Variants in FHIT observed in about 807,000 individuals in gnomAD.
FHIT encodes bis(5'-adenosyl)-triphosphatase.
Under a neutral mutation model 17.9 loss-of-function variants are expected in FHIT, and 19 were observed. The ratio of observed to expected loss-of-function variants is 1.06; its 90% CI spans 0.74 to 1.56. FHIT has a LOEUF of 1.56. Ranked by LOEUF, FHIT falls within the 40% of genes most tolerant of loss-of-function variation. The probability of loss-of-function intolerance (pLI) is 0.00; values close to 1 mark genes in which losing one functional copy is unlikely to be tolerated. For synonymous variants in FHIT, 81 were observed against 69.7 expected (o/e 1.16, Z -0.81); for missense variants, 248 against 189.2 (o/e 1.31, Z -1.82).
chr3:61,072,747 A>T (rs1242220855), intron 2 of FHIT, among the ~76,000 whole-genome samples: 1 of 152,170 alleles, frequency 6.6e-6, no homozygotes, highest in Non-Finnish European at 1.5e-5. Flanking sequence ...ATCTGAAAGG[A>T]TCGTAAGTGA....
At chr3:60,721,247 C>T (rs2041803013) in intron 4 of FHIT, among the ~76,000 whole-genome samples, 1 of 152,162 alleles carries the variant, frequency 6.6e-6, no homozygotes, top group Admixed American at 6.5e-5. Flanking sequence ...AGAGACCACA[C>T]TGTACTTCAA....
At chr3:60,442,515 T>C (rs181876506) in intron 5 of FHIT, among the ~76,000 whole-genome samples, 7 of 152,278 alleles carry the variant, frequency 4.6e-5, no homozygotes, top group African/African-American at 1.7e-4. Context: ...CCCAGCACCA[T>C]TTGTTAAATA....
chr3:60,203,794 G>A (rs532996776), intron 5 of FHIT, among the ~76,000 whole-genome samples: 28 of 152,096 alleles, frequency 1.8e-4, no homozygotes, highest in African/African-American at 6.0e-4. Context: ...AGACAAGAAG[G>A]GGACAAAGAA....
intron 4 of FHIT, among the ~76,000 whole-genome samples, chr3:60,699,764 CACACACACAT>C (rs200373463): frequency 0.017 from 2,574 of 150,270 alleles, 65 homozygotes; most frequent in African/African-American, 0.059. Flanking sequence ...CACACACACA[CACACACACAT>C]ACACACATAC....
intron 5 of FHIT, among the ~76,000 whole-genome samples, chr3:60,109,541 G>A (rs1704581287): frequency 6.6e-6 from 1 of 152,134 alleles, no homozygotes; most frequent in African/African-American, 2.4e-5. Context: ...ATGTTCCAAA[G>A]GCCTCCAAAT....
chr3:60,739,369 C>T (rs2108005726), intron 4 of FHIT, among the ~76,000 whole-genome samples: 1 of 152,222 alleles, frequency 6.6e-6, no homozygotes, highest in South Asian at 2.1e-4. Flanking sequence ...CACAGGCACC[C>T]ACCCCTAGAC....
intron 3 of FHIT, among the ~76,000 whole-genome samples, chr3:60,948,499 T>C (rs1553776274): frequency 6.6e-6 from 1 of 152,190 alleles, no homozygotes; most frequent in East Asian, 1.9e-4. Context: ...GCTAGACCAT[T>C]AACACTAGTT....
intron 5 of FHIT, among the ~76,000 whole-genome samples, chr3:60,108,943 G>T (rs572779306): frequency 6.6e-6 from 1 of 152,166 alleles, no homozygotes; most frequent in South Asian, 2.1e-4. Flanking sequence ...GATTACAGGC[G>T]TGAGCCACCA....
chr3:59,986,515 A>AAATATATTTATATTTATACATT (rs1559523327), intron 7 of FHIT, among the ~76,000 whole-genome samples: 1,687 of 12,530 alleles, frequency 0.13, 125 homozygotes, highest in East Asian at 0.17. Context: ...ATATATATAT[A>AAATATATTTATATTTATACATT]TATATATATA....
At chr3:59,785,947 C>A (rs749792412) in intron 8 of FHIT, among the ~76,000 whole-genome samples, 8 of 152,192 alleles carry the variant, frequency 5.3e-5, no homozygotes, top group South Asian at 2.1e-4. Context: ...ACCTTCAACA[C>A]CCCGCTTAGA....
At chr3:60,267,418 A>G (rs1435673150) in intron 5 of FHIT, among the ~76,000 whole-genome samples, 1 of 152,166 alleles carries the variant, frequency 6.6e-6, no homozygotes, top group East Asian at 1.9e-4. Context: ...ATGCTATTAT[A>G]AGAAATGTTA....
At chr3:60,583,108 A>G (rs562293839) in intron 4 of FHIT, among the ~76,000 whole-genome samples, 36 of 151,934 alleles carry the variant, frequency 2.4e-4, no homozygotes, top group Non-Finnish European at 4.4e-4. Flanking sequence ...CTCTCTTTAC[A>G]CAGCATTAGG....
intron 8 of FHIT, among the ~76,000 whole-genome samples, chr3:59,901,258 A>T (rs893906100): frequency 6.6e-6 from 1 of 152,230 alleles, no homozygotes; most frequent in Non-Finnish European, 1.5e-5. Context: ...CTAGGTTTTA[A>T]AATTTCAGCT....
chr3:59,837,842 TGGTGGTGTGGGGG>T (rs952836084), intron 8 of FHIT, among the ~76,000 whole-genome samples: 4 of 151,948 alleles, frequency 2.6e-5, no homozygotes, highest in African/African-American at 2.4e-5. Context: ...TGTAAAATGG[TGGTGGTGTGGGGG>T]GGTGGTGTGG....
intron 5 of FHIT, among the ~76,000 whole-genome samples, chr3:60,441,069 G>C (rs1042372038): frequency 2.0e-5 from 3 of 151,958 alleles, no homozygotes; most frequent in Non-Finnish European, 2.9e-5. Context: ...CTTAGAACTT[G>C]CTGCTGTACC....
At chr3:60,562,517 T>C (rs563884349) in intron 4 of FHIT, among the ~76,000 whole-genome samples, 1 of 152,224 alleles carries the variant, frequency 6.6e-6, no homozygotes, top group Admixed American at 6.5e-5. Flanking sequence ...TTTTCCCCAC[T>C]CCTAGGTTTT....
chr3:60,276,174 G>C (rs1044612986), intron 5 of FHIT, among the ~76,000 whole-genome samples: 2 of 151,960 alleles, frequency 1.3e-5, no homozygotes, highest in African/African-American at 2.4e-5. Context: ...ATTTAGTAGA[G>C]ACCGGGTTTC....
At chr3:60,192,742 A>G (rs1293090018) in intron 5 of FHIT, among the ~76,000 whole-genome samples, 1 of 152,044 alleles carries the variant, frequency 6.6e-6, no homozygotes, top group Non-Finnish European at 1.5e-5. Context: ...CTAACTTTCT[A>G]CCCTCTAAAA....
chr3:59,856,254 G>C (rs1047221275), intron 8 of FHIT, among the ~76,000 whole-genome samples: 19 of 151,934 alleles, frequency 1.3e-4, no homozygotes, highest in African/African-American at 4.6e-4. Context: ...AACCATAATG[G>C]ACCCAAGAAA....
Sources: allele counts gnomAD v4.1 joint callset (sites outside exome capture counted in the v4.1 genomes callset), GRCh38; gene constraint gnomAD v4.1.1; transcripts MANE v1.5; gene names NCBI Gene and HGNC (gene_info 2026-07-23, HGNC 2026-07-21).